Variants in CRTC1 observed in about 807,000 individuals in gnomAD.
CRTC1 encodes the protein CREB-regulated transcription coactivator 1.
CRTC1 carries 18 observed loss-of-function variants against 66.1 expected under a neutral mutation model. The observed-to-expected ratio is 0.27, with a 90% CI of 0.19 to 0.40. The LOEUF (loss-of-function observed/expected upper bound fraction) is 0.40, where lower values mean the gene tolerates loss of function less well. Ranked by LOEUF, CRTC1 falls within the 10% of genes least tolerant of loss-of-function variation. CRTC1 has a pLI of 1.00. For synonymous variants in CRTC1, 416 were observed against 398.8 expected (o/e 1.04, Z -0.51); for missense variants, 669 against 887.9 (o/e 0.75, Z 3.13).
Position 18,741,364 on chromosome 19 carries a change from T to C in CRTC1, c.127-1546T>C, listed in dbSNP as rs1451975198. 1.3e-5 allele frequency among the ~76,000 whole-genome samples: 2 copies of C among 152,118 alleles called. No individual in the cohort carries two copies. Among genetic ancestry groups the C allele is most frequent in the African/African-American group, 2.4e-5 (1 of 41,406 alleles). ...TACCTGCTGTGTCACACGTCGTGTG[T>C]CCCTCTCACACCCGCCTGTAGCACT... On this transcript the variant is annotated intron_variant, in intron 1 of 13. Coordinates refer to ENST00000321949, the MANE Select transcript of CRTC1 (RefSeq NM_015321.3). This position sits in a 1 kb window ranked among gnomAD's most constrained non-coding sequence, Gnocchi z 4.2.
chr19:18,760,043 C>T lies in CRTC1; in HGVS notation c.701C>T (p.Ala234Val), dbSNP rs1431181502. Residue 234 changes from alanine (A) to valine (V), a missense_variant, in exon 8 of 14, where the codon GCC (alanine) becomes GTC (valine). By Grantham distance (64) the Ala-to-Val change is moderately conservative. This residue lies in a region of CRTC1 where 214 missense variants were observed against 323.4 expected (regional missense o/e 0.66). Transcript: ENST00000321949. This position sits in a 1 kb window ranked among gnomAD's most constrained non-coding sequence, Gnocchi z 6.2. ...TCTGCCGACCAGGAAAACACTACAG[C>T]CCTGATCCCCGCCACCCACAACACA... ...FPSADQENTTALIPATHNTGG... is the reference protein window; with the variant it reads ...FPSADQENTTVLIPATHNTGG... The T allele has an allele frequency of 6.2e-7, 1 of 1,608,740 alleles. No homozygotes were observed. The highest frequency in any genetic ancestry group is 8.5e-7 in the Non-Finnish European group (1 of 1,175,978).
intron 1 of CRTC1, among the ~76,000 whole-genome samples, chr19:18,691,895 G>A (rs957418682): frequency 8.6e-5 from 13 of 152,016 alleles, no homozygotes; most frequent in Non-Finnish European, 1.8e-4. Flanking sequence ...TGTATTTTCA[G>A]TAGAGATGGG....
intron 1 of CRTC1, among the ~76,000 whole-genome samples, chr19:18,702,906 C>T (rs1335763421): frequency 3.3e-5 from 5 of 152,072 alleles, no homozygotes; most frequent in African/African-American, 4.8e-5. Context: ...GAACATCACA[C>T]GTGACCTGGT....
chr19:18,764,747 G>A (rs1459466675), intron 8 of CRTC1, among the ~76,000 whole-genome samples: 2 of 152,330 alleles, frequency 1.3e-5, no homozygotes, highest in African/African-American at 4.8e-5. Context: ...GGTCTGGGGA[G>A]GAGGAAGTGG....
chr19:18,709,893 G>T (rs562094023), intron 1 of CRTC1, among the ~76,000 whole-genome samples: 2 of 152,306 alleles, frequency 1.3e-5, no homozygotes, highest in East Asian at 3.9e-4. Flanking sequence ...TCCAGCAGCG[G>T]TGACTTTGCC....
chr19:18,716,936 C>T (rs1395450220), intron 1 of CRTC1, among the ~76,000 whole-genome samples: 4 of 152,060 alleles, frequency 2.6e-5, no homozygotes, highest in South Asian at 2.1e-4. Context: ...TGAATGTGCT[C>T]GTGTGTGTGC....
chr19:18,745,508 A>G (rs1474677964), intron 2 of CRTC1, among the ~76,000 whole-genome samples: 2 of 152,142 alleles, frequency 1.3e-5, no homozygotes, highest in African/African-American at 4.8e-5. Context: ...TAGGCCGGCT[A>G]CATCCCTGGC....
chr19:18,745,788 TTCTCTC>T (rs757495176), intron 2 of CRTC1, 29 bp from the exon 3 acceptor site: 10 of 1,612,360 alleles, frequency 6.2e-6, no homozygotes, highest in Non-Finnish European at 7.6e-6. Flanking sequence ...TTGTTTGGAT[TTCTCTC>T]TCTCTGTTTC....
chr19:18,711,803 C>T (rs192615342), intron 1 of CRTC1, among the ~76,000 whole-genome samples: 24 of 152,320 alleles, frequency 1.6e-4, no homozygotes, highest in Admixed American at 9.2e-4. Context: ...CATGTGGGAC[C>T]GTGGTGGCTT....
At chr19:18,729,994 C>T (rs779496046) in intron 1 of CRTC1, among the ~76,000 whole-genome samples, 6 of 152,200 alleles carry the variant, frequency 3.9e-5, no homozygotes, top group Non-Finnish European at 7.3e-5. Context: ...ACACCCCACC[C>T]AGGGGCCACT....
rs778391196 is a variant in CRTC1, at chr19:18,771,561, C to T, written c.1425+15C>T. 6.3e-6 allele frequency: 10 copies of T among 1,597,598 alleles called. No individual in the cohort carries two copies. Among genetic ancestry groups the T allele is most frequent in the Non-Finnish European group, 8.6e-6 (10 of 1,168,514 alleles). On this transcript the variant is annotated intron_variant, in intron 11 of 13. Transcript: ENST00000321949. The surrounding 1 kb of genome is among the most constrained non-coding windows in gnomAD (Gnocchi z 4.6). ...GCTCCCCGCAAGTAAGGGGCGCCGC[C>T]TCCCCCTTGGCCTGTGGGCTCCACG... is the stretch of plus-strand genomic sequence containing the variant.
In CRTC1 at chr19:18,760,665, C is replaced by T. The variant is rs766027406; in HGVS notation, c.886+437C>T. 2.0e-4 allele frequency among the ~76,000 whole-genome samples: 31 copies of T among 152,042 alleles called. No homozygotes were observed. The highest frequency in any genetic ancestry group is 3.8e-4 in the Non-Finnish European group (26 of 67,980). ...ACATCCCAGCACCACCACCCCCACC[C>T]GTCTCCAGCTCCACACTCCTTTCTT... is the stretch of plus-strand genomic sequence containing the variant. On this transcript the variant is annotated intron_variant, in intron 8 of 13. Transcript: ENST00000321949. The surrounding 1 kb of genome is among the most constrained non-coding windows in gnomAD (Gnocchi z 6.2).
At chr19:18,733,590 C>G (rs1488623082) in intron 1 of CRTC1, among the ~76,000 whole-genome samples, 1 of 152,216 alleles carries the variant, frequency 6.6e-6, no homozygotes, top group African/African-American at 2.4e-5. Flanking sequence ...CCCTGATGCT[C>G]TCATCATCAT....
Position 18,760,339 on chromosome 19 carries a change from C to T in CRTC1, c.886+111C>T. On this transcript the variant is annotated intron_variant, in intron 8 of 13. Coordinates refer to ENST00000321949, the MANE Select transcript of CRTC1 (RefSeq NM_015321.3). The surrounding 1 kb of genome is among the most constrained non-coding windows in gnomAD (Gnocchi z 6.2). ...GTTCCAAATACTAGGGCATGGGGGA[C>T]AGGGCTGGGGGGCGGCCGACAGGCT... 2.1e-6 allele frequency: 2 copies of T among 966,798 alleles called. No homozygotes were observed. The highest frequency in any genetic ancestry group is 3.1e-6 in the Non-Finnish European group (2 of 647,928). The allele number at this position is 966,798 out of a possible 1,614,324, so 59.9% of individuals were successfully genotyped here.
In CRTC1 at chr19:18,768,911, C is replaced by T. The variant is rs1039268167; in HGVS notation, c.1320+118C>T. On this transcript the variant is annotated intron_variant, in intron 10 of 13. Coordinates refer to ENST00000321949, the MANE Select transcript of CRTC1 (RefSeq NM_015321.3). The surrounding 1 kb of genome is among the most constrained non-coding windows in gnomAD (Gnocchi z 5.6). The stretch of plus-strand genomic sequence containing the variant: ...GGCCAGGGGTCAGAACCCCAGCGAA[C>T]GCTGCCTGGGCCCACCTCTCCACGG... 35 of 1,319,048 alleles carry T rather than the reference C, an allele frequency of 2.7e-5. No homozygotes were observed. The highest frequency in any genetic ancestry group is 1.2e-4 in the African/African-American group (8 of 64,896). 81.7% of individuals were successfully genotyped at this position (1,319,048 alleles called of 1,614,324 possible). A position where few individuals can be genotyped will look rare whatever the true frequency, so the allele number is the denominator to read the frequency against.
chr19:18,712,065 C>G (rs1470840456), intron 1 of CRTC1, among the ~76,000 whole-genome samples: 1 of 152,064 alleles, frequency 6.6e-6, no homozygotes, highest in Non-Finnish European at 1.5e-5. Flanking sequence ...CTCAGCCTCC[C>G]AAGTAGCTGG....
At chr19:18,774,503 C>G (rs2054939338) in intron 11 of CRTC1, among the ~76,000 whole-genome samples, 1 of 152,170 alleles carries the variant, frequency 6.6e-6, no homozygotes, top group Admixed American at 6.5e-5. Flanking sequence ...ACCAAGTGCA[C>G]TTTCTGTCCT....
At position 18,777,416 on chromosome 19, in the gene CRTC1, C is replaced by T. The variant is rs767336270; in HGVS notation, c.*34C>T. On this transcript the variant is annotated 3_prime_UTR_variant, in exon 14 of 14. Coordinates refer to ENST00000321949, the MANE Select transcript of CRTC1 (RefSeq NM_015321.3). This position sits in a 1 kb window ranked among gnomAD's most constrained non-coding sequence, Gnocchi z 5.5. Reference sequence around the variant, plus strand: ...GCCGGCACCCTGCCGCTCAGCCGTCCCGACGGCGCCTCCCCAGCCCGGGGA... The same window carrying T: ...GCCGGCACCCTGCCGCTCAGCCGTCTCGACGGCGCCTCCCCAGCCCGGGGA... The T allele has an allele frequency of 4.4e-6, 7 of 1,575,368 alleles. No homozygotes were observed. The Admixed American group carries it at 1.2e-4, about 26-fold the overall frequency.
At position 18,775,811 on chromosome 19, in the gene CRTC1, C is replaced by T; in HGVS notation, c.1683C>T (p.Ile561=). The T allele has an allele frequency of 6.2e-7, 1 of 1,603,644 alleles. No individual in the cohort carries two copies. The highest frequency in any genetic ancestry group is 1.1e-5 in the South Asian group (1 of 89,620). ...CCAGCCACAGTGGCATCCCCAACAT[C>T]ATCCTCACAGGTGAGGCCAGGCCGG... The part of the protein sequence containing the change: ...GYASHSGIPN[I]ILTVTGESPP... Residue 561 remains isoleucine (I), a synonymous_variant, in exon 13 of 14, where the codon ATC becomes ATT. Coordinates refer to ENST00000321949, the MANE Select transcript of CRTC1 (RefSeq NM_015321.3).
Sources: gnomAD v4.1 joint callset for allele counts (sites outside exome capture counted in the v4.1 genomes callset) on GRCh38, gnomAD v4.1.1 for gene constraint, gnomAD v4.1.1 regional missense constraint, Gnocchi (gnomAD v3.1) non-coding constraint, MANE v1.5 for transcripts, NCBI Gene and HGNC (gene_info 2026-07-23, HGNC 2026-07-21) for gene names.